SPIDR: variants seen among roughly 807,000 people sequenced by gnomAD.
SPIDR encodes scaffold protein involved in DNA repair.
Under a neutral mutation model 104.6 loss-of-function variants are expected in SPIDR, and 93 were observed. The observed-to-expected ratio is 0.89, with a 90% CI of 0.75 to 1.06. The LOEUF (loss-of-function observed/expected upper bound fraction) is 1.06. Among genes scored for constraint, SPIDR ranks in the 50% least tolerant of loss-of-function variants. SPIDR has a pLI of 0.00. For synonymous variants in SPIDR, 431 were observed against 416.9 expected (o/e 1.03, Z -0.41); for missense variants, 1,154 against 1,111.2 (o/e 1.04, Z -0.55).
intron 2 of SPIDR, among the ~76,000 whole-genome samples, chr8:47,283,486 A>G (rs1010301941): frequency 1.3e-5 from 2 of 152,356 alleles, no homozygotes; most frequent in East Asian, 3.9e-4. Context: ...AATAATTATC[A>G]AAATATGACA....
intron 8 of SPIDR, among the ~76,000 whole-genome samples, chr8:47,490,765 A>T (rs980532573): frequency 3.9e-5 from 6 of 152,162 alleles, no homozygotes; most frequent in African/African-American, 4.8e-5. Context: ...CAAACACCAC[A>T]TGTTCTCACT....
At chr8:47,666,095 A>G (rs1414546213) in intron 10 of SPIDR, among the ~76,000 whole-genome samples, 2 of 152,296 alleles carry the variant, frequency 1.3e-5, no homozygotes, top group South Asian at 2.1e-4. Context: ...TTAAGTATTC[A>G]TAGTTTTTGG....
intron 10 of SPIDR, among the ~76,000 whole-genome samples, chr8:47,599,432 T>C (rs1249492556): frequency 6.6e-6 from 1 of 152,252 alleles, no homozygotes; most frequent in Non-Finnish European, 1.5e-5. Flanking sequence ...GTTTTACCTT[T>C]AATGGTTCAT....
chr8:47,624,302 C>A (rs1189810465), intron 10 of SPIDR, among the ~76,000 whole-genome samples: 2 of 152,170 alleles, frequency 1.3e-5, no homozygotes, highest in African/African-American at 4.8e-5. Flanking sequence ...CTAAAATTGA[C>A]ACCCTAACAT....
intron 5 of SPIDR, among the ~76,000 whole-genome samples, chr8:47,383,118 G>A (rs2059512368): frequency 6.6e-6 from 1 of 152,210 alleles, no homozygotes; most frequent in Admixed American, 6.5e-5. Flanking sequence ...CACCACAGGG[G>A]CATCTCACTG....
chr8:47,457,521 G>T (rs1378400700), intron 8 of SPIDR, among the ~76,000 whole-genome samples: 1 of 152,100 alleles, frequency 6.6e-6, no homozygotes, highest in Non-Finnish European at 1.5e-5. Context: ...TATAGATTGT[G>T]AAGATTTTCT....
At chr8:47,585,400 T>A (rs1026974713) in intron 8 of SPIDR, among the ~76,000 whole-genome samples, 9 of 152,232 alleles carry the variant, frequency 5.9e-5, no homozygotes, top group Admixed American at 5.9e-4. Flanking sequence ...TTTAGATTGA[T>A]TAATGTTATA....
intron 6 of SPIDR, among the ~76,000 whole-genome samples, chr8:47,403,776 C>T (rs1186080969): frequency 2.6e-5 from 4 of 152,182 alleles, no homozygotes; most frequent in Non-Finnish European, 4.4e-5. Flanking sequence ...GGCCATATTA[C>T]CCAAGGTAAT....
intron 8 of SPIDR, among the ~76,000 whole-genome samples, chr8:47,447,695 A>G (rs769280567): frequency 1.1e-4 from 16 of 152,228 alleles, no homozygotes; most frequent in Non-Finnish European, 2.1e-4. Context: ...ATCTCATGCT[A>G]CAGAGAAATC....
At chr8:47,592,754 T>C (rs2154420602) in intron 8 of SPIDR, 1 of 492,878 alleles carries the variant, frequency 2.0e-6, no homozygotes, top group East Asian at 3.2e-5. Flanking sequence ...GACAATGTTA[T>C]AATTTTTGTT....
At position 47,689,588 on chromosome 8, in the gene SPIDR, C is replaced by A. The variant is rs563025438; in HGVS notation, c.1686-10815C>A. Among the ~76,000 whole-genome samples, 17 of 152,316 alleles carry A rather than the reference C, an allele frequency of 1.1e-4. No individual in the cohort carries two copies. In the South Asian group the frequency reaches 3.3e-3, roughly 30 times the overall value. On this transcript the variant is annotated intron_variant, in intron 11 of 19. Transcript: ENST00000297423. The stretch of plus-strand genomic sequence containing the variant: ...AGCTCACTTTCACATGGCTCCCAAG[C>A]AAATTCTGCATCCATTCTGGCAGCT...
intron 10 of SPIDR, among the ~76,000 whole-genome samples, chr8:47,630,035 A>G (rs2066814855): frequency 6.6e-6 from 1 of 152,258 alleles, no homozygotes; most frequent in Non-Finnish European, 1.5e-5. Flanking sequence ...GAATGTATTC[A>G]TATGTTAATT....
intron 8 of SPIDR, among the ~76,000 whole-genome samples, chr8:47,567,380 C>T (rs1476566278): frequency 2.6e-5 from 4 of 151,712 alleles, no homozygotes; most frequent in East Asian, 1.9e-4. Flanking sequence ...CCACCACGCC[C>T]GGCTAATTTT....
intron 5 of SPIDR, chr8:47,330,813 A>G (rs1554604025): frequency 2.2e-6 from 1 of 456,210 alleles, no homozygotes; most frequent in Admixed American, 2.3e-5. Context: ...TGCTATAAAC[A>G]TACATTTGGA....
In SPIDR at chr8:47,729,015, C is replaced by T. The variant is rs370098953; in HGVS notation, c.2518C>T (p.Arg840Cys). ...KRHLQVFLDC[R>C]SRPQCRVKVK... ...GCACCTGCAGGTCTTCCTGGACTGC[C>T]GCTCAAGACCGCAGTGCAGAGTGAA... Residue 840 changes from arginine to cysteine, a missense_variant, in exon 18 of 20, where the codon CGC becomes TGC. By Grantham distance (180) the Arg-to-Cys change is radical (BLOSUM62 -3). Transcript: ENST00000297423. 5.6e-5 allele frequency: 91 copies of T among 1,613,850 alleles called. No homozygotes were observed. Among genetic ancestry groups the T allele is most frequent in the Non-Finnish European group, 7.4e-5 (87 of 1,180,036 alleles).
intron 7 of SPIDR, among the ~76,000 whole-genome samples, chr8:47,432,778 G>A (rs2067586957): frequency 6.6e-6 from 1 of 152,156 alleles, no homozygotes; most frequent in Non-Finnish European, 1.5e-5. Flanking sequence ...AGAGCAGTAA[G>A]AAGTAACAGG....
intron 5 of SPIDR, among the ~76,000 whole-genome samples, chr8:47,375,461 C>T (rs1554641812): frequency 1.3e-5 from 2 of 151,586 alleles, no homozygotes; most frequent in African/African-American, 4.8e-5. Flanking sequence ...AAGCTGGTCT[C>T]GAACTCCTGA....
chr8:47,483,180 T>A (rs2077117221), intron 8 of SPIDR, among the ~76,000 whole-genome samples: 1 of 152,204 alleles, frequency 6.6e-6, no homozygotes, highest in Non-Finnish European at 1.5e-5. Context: ...TGTGTGTGTG[T>A]CTTTTATTTT....
intron 1 of SPIDR, among the ~76,000 whole-genome samples, chr8:47,272,001 GTC>G (rs1409362885): frequency 6.6e-6 from 1 of 151,672 alleles, no homozygotes; most frequent in East Asian, 1.9e-4. Flanking sequence ...TTGAGATGGA[GTC>G]TCTCTCTGTT....
Sources: allele counts gnomAD v4.1 joint callset (sites outside exome capture counted in the v4.1 genomes callset), GRCh38; gene constraint gnomAD v4.1.1; transcripts MANE v1.5; gene names NCBI Gene and HGNC (gene_info 2026-07-23, HGNC 2026-07-21).